BCAS3: variants seen among roughly 807,000 people sequenced by gnomAD.
The protein encoded by BCAS3 is BCAS4/BCAS3 fusion.
A neutral mutation model predicts 116.1 loss-of-function variants in BCAS3; 53 were observed. The ratio of observed to expected loss-of-function variants is 0.46; its 90% CI spans 0.37 to 0.57. BCAS3 has a LOEUF of 0.57. Ranked by LOEUF, BCAS3 falls within the 20% of genes least tolerant of loss-of-function variation. The pLI is 0.00. For synonymous variants in BCAS3, 391 were observed against 408.2 expected (o/e 0.96, Z 0.51); for missense variants, 917 against 1,165.4 (o/e 0.79, Z 3.10).
chr17:61,093,046 A>G (rs2073725262), intron 22 of BCAS3, among the ~76,000 whole-genome samples: 1 of 151,670 alleles, frequency 6.6e-6, no homozygotes, highest in Admixed American at 6.6e-5. Flanking sequence ...AGCTGGGACT[A>G]CAGGTGCCCA....
intron 22 of BCAS3, among the ~76,000 whole-genome samples, chr17:61,329,915 C>T (rs1254540944): frequency 1.3e-5 from 2 of 152,226 alleles, no homozygotes; most frequent in African/African-American, 2.4e-5. Context: ...GGCTGTTTAA[C>T]GAGCATTTAG....
intron 12 of BCAS3, among the ~76,000 whole-genome samples, chr17:60,919,754 A>T (rs1725052181): frequency 6.6e-6 from 1 of 152,136 alleles, no homozygotes; most frequent in Admixed American, 6.6e-5. Context: ...AGTAGGTAGC[A>T]GATGCCAGTA....
intron 22 of BCAS3, among the ~76,000 whole-genome samples, chr17:61,091,441 G>A (rs751094150): frequency 3.9e-5 from 6 of 152,222 alleles, no homozygotes; most frequent in South Asian, 2.1e-4. Flanking sequence ...AGTCTGAACC[G>A]GGAATTCCAT....
At chr17:61,050,215 C>T (rs1053389468) in intron 19 of BCAS3, among the ~76,000 whole-genome samples, 1 of 151,750 alleles carries the variant, frequency 6.6e-6, no homozygotes, top group Admixed American at 6.6e-5. Flanking sequence ...AAGAAAACTA[C>T]GTCAGCATGA....
intron 11 of BCAS3, among the ~76,000 whole-genome samples, chr17:60,908,046 A>G (rs1272145535): frequency 6.6e-6 from 1 of 152,216 alleles, no homozygotes; most frequent in African/African-American, 2.4e-5. Flanking sequence ...TTAATGGGTT[A>G]TGATAAATAG....
intron 22 of BCAS3, among the ~76,000 whole-genome samples, chr17:61,321,922 TTTTGTTTGTTTG>T (rs371688049): frequency 6.9e-6 from 1 of 145,718 alleles, no homozygotes. Flanking sequence ...CTATCCCGTT[TTTTGTTTGTTTG>T]TTTGTTTGTT....
chr17:61,370,463 A>C lies in BCAS3; in HGVS notation c.2593+1969A>C, dbSNP rs541975071. On this transcript the variant is annotated intron_variant, in intron 23 of 23. Transcript: ENST00000407086. ...GAGTGCTATGGCACAATCTTGGCTCACTACAACCTCCACCTCCCAGGTTCA... is the reference window on the plus strand; with the variant it reads ...GAGTGCTATGGCACAATCTTGGCTCCCTACAACCTCCACCTCCCAGGTTCA... 1.1e-4 allele frequency among the ~76,000 whole-genome samples: 17 copies of C among 152,230 alleles called. No homozygotes were observed. The South Asian group carries it at 2.3e-3, about 20-fold the overall frequency.
intron 22 of BCAS3, among the ~76,000 whole-genome samples, chr17:61,094,785 A>T (rs1428553284): frequency 6.6e-6 from 1 of 152,246 alleles, no homozygotes; most frequent in Non-Finnish European, 1.5e-5. Context: ...CAGAGGTTGC[A>T]GTGAGCCAAG....
intron 22 of BCAS3, among the ~76,000 whole-genome samples, chr17:61,102,827 T>C (rs2074409547): frequency 6.6e-6 from 1 of 152,138 alleles, no homozygotes; most frequent in Admixed American, 6.5e-5. Flanking sequence ...TAACAAGGAC[T>C]CATTAAATGT....
At chr17:60,856,526 T>C (rs1466829130) in intron 7 of BCAS3, among the ~76,000 whole-genome samples, 6 of 151,920 alleles carry the variant, frequency 3.9e-5, no homozygotes, top group African/African-American at 1.4e-4. Context: ...CTGTCTCTAC[T>C]GAAAATACAA....
rs2075835992 is a variant in BCAS3 at position 61,122,493 on chromosome 17, A to G, written c.2425+37929A>G. On this transcript the variant is annotated intron_variant, in intron 22 of 23. Coordinates refer to ENST00000407086, the MANE Select transcript of BCAS3 (RefSeq NM_017679.5). This position sits in a 1 kb window ranked among gnomAD's most constrained non-coding sequence, Gnocchi z 4.6. ...GAGGAGCTTCTTTAGATAGGAAGCC[A>G]TGAGGGAATTCTCTGAGTACATGCA... 2.0e-5 allele frequency among the ~76,000 whole-genome samples: 3 copies of G among 152,212 alleles called. No individual in the cohort carries two copies. The highest frequency in any genetic ancestry group is 7.2e-5 in the African/African-American group (3 of 41,454).
At chr17:60,727,486 T>G (rs2144136510) in intron 5 of BCAS3, 1 of 1,530,546 alleles carries the variant, frequency 6.5e-7, no homozygotes, top group South Asian at 1.3e-5. Flanking sequence ...TGACCATCTT[T>G]GCAGCAGGGC....
intron 14 of BCAS3, among the ~76,000 whole-genome samples, chr17:60,985,778 C>T (rs2063106150): frequency 6.6e-6 from 1 of 152,124 alleles, no homozygotes; most frequent in African/African-American, 2.4e-5. Context: ...GCTCTGTCGC[C>T]CAGCCTGGAG....
intron 5 of BCAS3, among the ~76,000 whole-genome samples, chr17:60,726,851 C>A (rs1011040027): frequency 6.6e-6 from 1 of 151,770 alleles, no homozygotes; most frequent in African/African-American, 2.4e-5. Context: ...AGTAAAATTT[C>A]GTAGAATATG....
At chr17:60,820,885 A>G (rs1030022398) in intron 7 of BCAS3, among the ~76,000 whole-genome samples, 1 of 152,214 alleles carries the variant, frequency 6.6e-6, no homozygotes, top group Non-Finnish European at 1.5e-5. Context: ...TGTACTTTGT[A>G]TTCAGTTGCT....
intron 4 of BCAS3, among the ~76,000 whole-genome samples, chr17:60,703,935 AAG>A (rs972696249): frequency 6.6e-6 from 1 of 151,928 alleles, no homozygotes; most frequent in Non-Finnish European, 1.5e-5. Flanking sequence ...AAAAGAAAAA[AAG>A]AAAAAAAAAA....
At chr17:60,916,043 A>T (rs2058763790) in intron 12 of BCAS3, among the ~76,000 whole-genome samples, 1 of 152,092 alleles carries the variant, frequency 6.6e-6, no homozygotes, top group African/African-American at 2.4e-5. Flanking sequence ...CAGTTTGTTC[A>T]ATTATTCACC....
rs1353169505 is a variant in BCAS3, at chr17:61,034,816, TG to T, written c.1762+27del. 6.4e-7 allele frequency: 1 copy of T among 1,572,588 alleles called. No homozygotes were observed. Among genetic ancestry groups the T allele is most frequent in the East Asian group, 2.3e-5 (1 of 43,772 alleles). The stretch of plus-strand genomic sequence containing the variant: ...GTATGTATTTTTACTGAAAAATGAA[TG>T]CTCTATTTGTAATTTTTGCTTCTTA... On this transcript the variant is annotated intron_variant, in intron 17 of 23. Coordinates refer to ENST00000407086, the MANE Select transcript of BCAS3 (RefSeq NM_017679.5). The surrounding 1 kb of genome is among the most constrained non-coding windows in gnomAD (Gnocchi z 5.0).
rs892327840 is a variant in BCAS3 at position 61,189,335 on chromosome 17, C to T, written c.2425+104771C>T. Among the ~76,000 whole-genome samples, 53 of 152,102 alleles carry T rather than the reference C, an allele frequency of 3.5e-4. No individual in the cohort carries two copies. The highest frequency in any genetic ancestry group is 3.5e-4 in the Non-Finnish European group (24 of 68,018). On this transcript the variant is annotated intron_variant, in intron 22 of 23. Transcript: ENST00000407086. This position sits in a 1 kb window ranked among gnomAD's most constrained non-coding sequence, Gnocchi z 4.5. ...GAAGCCATGGTATATTCAAAGAGCT[C>T]ATAAGGAGGTTGACCTTGCCATCAT...
Sources: gnomAD v4.1 joint callset for allele counts (sites outside exome capture counted in the v4.1 genomes callset) on GRCh38, gnomAD v4.1.1 for gene constraint, Gnocchi (gnomAD v3.1) non-coding constraint, MANE v1.5 for transcripts, NCBI Gene and HGNC (gene_info 2026-07-23, HGNC 2026-07-21) for gene names.